The following PARD3B variants were observed in gnomAD, a reference collection of about 807,000 sequenced individuals.
The protein encoded by PARD3B is partitioning defective 3 homolog B.
A neutral mutation model predicts 130.2 loss-of-function variants in PARD3B; 103 were observed. That is an observed-to-expected ratio of 0.79 (90% CI 0.67 to 0.93). The LOEUF is 0.93. Ranked by LOEUF, PARD3B falls within the 40% of genes least tolerant of loss-of-function variation. The pLI is 0.00. For synonymous variants in PARD3B, 583 were observed against 553.2 expected (o/e 1.05, Z -0.76); for missense variants, 1,609 against 1,499.2 (o/e 1.07, Z -1.21).
intron 2 of PARD3B, among the ~76,000 whole-genome samples, chr2:204,802,354 A>G (rs2042601649): frequency 6.6e-6 from 1 of 152,212 alleles, no homozygotes; most frequent in African/African-American, 2.4e-5. Flanking sequence ...GATGCTGGAG[A>G]GGATGTGGAG....
chr2:205,059,823 G>A (rs150839904), intron 4 of PARD3B, among the ~76,000 whole-genome samples: 1 of 152,058 alleles, frequency 6.6e-6, no homozygotes. Context: ...CTGCTAGCGA[G>A]TAGCCACGTA....
intron 10 of PARD3B, among the ~76,000 whole-genome samples, chr2:205,157,414 A>G (rs1230188798): frequency 6.6e-6 from 1 of 152,222 alleles, no homozygotes; most frequent in Admixed American, 6.5e-5. Flanking sequence ...TATTGTCAAA[A>G]TCTTCACAGA....
intron 15 of PARD3B, among the ~76,000 whole-genome samples, chr2:205,219,282 A>G (rs914830132): frequency 6.6e-6 from 1 of 152,236 alleles, no homozygotes; most frequent in African/African-American, 2.4e-5. Flanking sequence ...AAGTGAGCTC[A>G]TCTAATAGAT....
At chr2:205,099,399 T>C (rs1296923876) in intron 4 of PARD3B, among the ~76,000 whole-genome samples, 1 of 152,208 alleles carries the variant, frequency 6.6e-6, no homozygotes, top group Non-Finnish European at 1.5e-5. Flanking sequence ...GGGTTATTTT[T>C]CTACCTTTCC....
At chr2:204,830,886 G>A (rs1330964265) in intron 2 of PARD3B, among the ~76,000 whole-genome samples, 12 of 152,196 alleles carry the variant, frequency 7.9e-5, no homozygotes, top group African/African-American at 2.9e-4. Flanking sequence ...TCTGATATAT[G>A]TGTAAAGTAC....
intron 1 of PARD3B, among the ~76,000 whole-genome samples, chr2:204,590,411 G>T (rs2033025761): frequency 6.6e-6 from 1 of 152,206 alleles, no homozygotes; most frequent in Non-Finnish European, 1.5e-5. Context: ...GATGTGCAAA[G>T]AAACGTTGGC....
rs374524541 is a variant in PARD3B at position 204,554,118 on chromosome 2, C to G, written c.120+7999C>G. Among the ~76,000 whole-genome samples the G allele has an allele frequency of 3.3e-5, 5 of 152,230 alleles. No individual in the cohort carries two copies. The South Asian group carries it at 8.3e-4, about 25-fold the overall frequency. On this transcript the variant is annotated intron_variant, in intron 1 of 22. Coordinates refer to ENST00000406610, the MANE Select transcript of PARD3B (RefSeq NM_001302769.2). ...TACACTCTCCTGACTTTTTTCCTAT[C>G]TATTGTCCATTCTCAGGCTCTTTGG...
intron 20 of PARD3B, among the ~76,000 whole-genome samples, chr2:205,496,792 A>G (rs868678100): frequency 6.6e-6 from 1 of 152,126 alleles, no homozygotes; most frequent in African/African-American, 2.4e-5. Context: ...TGTTCTTAGA[A>G]AACAGTGCTT....
intron 4 of PARD3B, among the ~76,000 whole-genome samples, chr2:205,059,323 C>T (rs1699923674): frequency 6.6e-6 from 1 of 151,994 alleles, no homozygotes; most frequent in South Asian, 2.1e-4. Flanking sequence ...TATCTCTAGT[C>T]ACACTGCATG....
intron 10 of PARD3B, among the ~76,000 whole-genome samples, chr2:205,144,247 G>GTGGTCC (rs2033185846): frequency 6.6e-6 from 1 of 152,180 alleles, no homozygotes. Flanking sequence ...GAGATATGTG[G>GTGGTCC]AGCAGACGTA....
chr2:205,268,515 T>C lies in PARD3B; in HGVS notation c.2185+22693T>C, dbSNP rs1227751313. ...TGGGTGTTAAAAGTCCACTGGAAAA[T>C]AAGAGAAAGAAAATTGAGTTTCAAG... On this transcript the variant is annotated intron_variant, in intron 16 of 22. Transcript: ENST00000406610. The surrounding 1 kb of genome is among the most constrained non-coding windows in gnomAD (Gnocchi z 4.1). 3.3e-5 allele frequency among the ~76,000 whole-genome samples: 5 copies of C among 152,044 alleles called. No individual in the cohort carries two copies. The highest frequency in any genetic ancestry group is 1.2e-4 in the African/African-American group (5 of 41,498).
chr2:205,295,427 T>A (rs2041753449), intron 16 of PARD3B, among the ~76,000 whole-genome samples: 1 of 152,204 alleles, frequency 6.6e-6, no homozygotes, highest in South Asian at 2.1e-4. Context: ...ACAATCCCTT[T>A]ATTTTAGAAG....
In PARD3B at chr2:205,360,516, C is replaced by T. The variant is rs947588341; in HGVS notation, c.2631-40497C>T. Reference sequence around the variant, plus strand: ...CACATTTTGGTCTTTAATCCACTCACATCCCACTCTGGTTTATTGTGTAAT... The same window carrying T: ...CACATTTTGGTCTTTAATCCACTCATATCCCACTCTGGTTTATTGTGTAAT... On this transcript the variant is annotated intron_variant, in intron 18 of 22. Coordinates refer to ENST00000406610, the MANE Select transcript of PARD3B (RefSeq NM_001302769.2). Among the ~76,000 whole-genome samples, 3 of 152,360 alleles carry T rather than the reference C, an allele frequency of 2.0e-5. No homozygotes were observed. The South Asian group carries it at 6.2e-4, about 32-fold the overall frequency.
chr2:205,603,276 G>C (rs906833592), intron 22 of PARD3B, among the ~76,000 whole-genome samples: 12 of 152,116 alleles, frequency 7.9e-5, no homozygotes, highest in African/African-American at 2.9e-4. Context: ...CCAGTTATGT[G>C]ATCAATTTTA....
chr2:204,813,615 C>G (rs923174176), intron 2 of PARD3B, among the ~76,000 whole-genome samples: 9 of 152,036 alleles, frequency 5.9e-5, no homozygotes, highest in Admixed American at 6.5e-5. Context: ...AGGTTTTCTA[C>G]TAAATTTTCT....
At chr2:205,409,232 T>C (rs2046514461) in intron 19 of PARD3B, among the ~76,000 whole-genome samples, 1 of 152,086 alleles carries the variant, frequency 6.6e-6, no homozygotes, top group African/African-American at 2.4e-5. Context: ...TTGATGCTCG[T>C]GTAAAGGTAA....
intron 3 of PARD3B, among the ~76,000 whole-genome samples, chr2:205,008,519 AT>A (rs1695457828): frequency 1.3e-5 from 2 of 152,178 alleles, no homozygotes; most frequent in African/African-American, 2.4e-5. Context: ...TAAGAAATGT[AT>A]TTTAGCCCAG....
At chr2:205,359,416 T>C (rs2044309188) in intron 18 of PARD3B, among the ~76,000 whole-genome samples, 1 of 152,206 alleles carries the variant, frequency 6.6e-6, no homozygotes, top group African/African-American at 2.4e-5. Flanking sequence ...ATTAGAGTCA[T>C]ACCATAAGCT....
chr2:205,204,007 G>A (rs6756846), intron 15 of PARD3B, among the ~76,000 whole-genome samples: 110,024 of 152,092 alleles, frequency 0.72, 40,350 homozygotes, highest in African/African-American at 0.85. Flanking sequence ...TTCTGGTTCT[G>A]GATCCTTGAG....
Sources: gnomAD v4.1 joint callset for allele counts (sites outside exome capture counted in the v4.1 genomes callset) on GRCh38, gnomAD v4.1.1 for gene constraint, Gnocchi (gnomAD v3.1) non-coding constraint, MANE v1.5 for transcripts, NCBI Gene and HGNC (gene_info 2026-07-23, HGNC 2026-07-21) for gene names.